Variants in PSTPIP1 observed in about 807,000 individuals in gnomAD.
The protein encoded by PSTPIP1 is proline-serine-threonine phosphatase interacting protein 1, also known as proline-serine-threonine phosphatase-interacting protein 1.
A neutral mutation model predicts 69.6 loss-of-function variants in PSTPIP1; 66 were observed. That is an observed-to-expected ratio of 0.95 (90% CI 0.78 to 1.16). The LOEUF is 1.16. Among genes scored for constraint, PSTPIP1 ranks in the 50% most tolerant of loss-of-function variants. The pLI is 0.00. For synonymous variants in PSTPIP1, 266 were observed against 222.7 expected (o/e 1.19, Z -1.73); for missense variants, 603 against 557.4 (o/e 1.08, Z -0.82).
chr15:77,037,013 C>T (rs1238935795), intron 14 of PSTPIP1, 32 bp from the exon 15 acceptor site: 1 of 1,606,486 alleles, frequency 6.2e-7, no homozygotes, highest in Admixed American at 1.7e-5. Context: ...GCAGGCCCTT[C>T]CAACGTCATG....
chr15:77,016,036 A>C, intron 1 of PSTPIP1: 1 of 456,266 alleles, frequency 2.2e-6, no homozygotes, highest in South Asian at 1.5e-5. Flanking sequence ...GGGGGCCTCC[A>C]TAAGGACAGG....
chr15:77,030,090 C>T (rs116638927), intron 8 of PSTPIP1, among the ~76,000 whole-genome samples: 86 of 152,258 alleles, frequency 5.6e-4, no homozygotes, highest in Admixed American at 3.3e-3. Context: ...GCTACTCCCT[C>T]GGCTGGGGGA....
intron 1 of PSTPIP1, among the ~76,000 whole-genome samples, chr15:77,008,735 G>A (rs930019511): frequency 5.9e-5 from 9 of 152,194 alleles, no homozygotes; most frequent in Non-Finnish European, 1.2e-4. Flanking sequence ...CTACCTCTGT[G>A]TAGGCTGAGA....
At chr15:77,035,740 T>G (rs2076548010) in intron 13 of PSTPIP1, 62 bp from the exon 14 acceptor site, 1 of 1,526,732 alleles carries the variant, frequency 6.5e-7, no homozygotes, top group Non-Finnish European at 8.7e-7. Flanking sequence ...CCCATTCTAG[T>G]AGGACTTCCA....
intron 1 of PSTPIP1, among the ~76,000 whole-genome samples, chr15:77,010,340 G>T (rs183439834): frequency 6.6e-6 from 1 of 152,216 alleles, no homozygotes; most frequent in African/African-American, 2.4e-5. Context: ...TCATGCGTGA[G>T]AGCCCCACCA....
intron 1 of PSTPIP1, among the ~76,000 whole-genome samples, chr15:77,015,388 G>A (rs1021075788): frequency 2.0e-5 from 3 of 152,068 alleles, no homozygotes; most frequent in Admixed American, 6.5e-5. Flanking sequence ...TTCGCCTCCC[G>A]AGATCTGTGT....
chr15:76,995,232 C>T lies in PSTPIP1; in HGVS notation c.-342C>T. 1 of 1,240,192 alleles carries T rather than the reference C, an allele frequency of 8.1e-7. No homozygotes were observed. The allele number at this position is 1,240,192 out of a possible 1,614,324, so 76.8% of individuals were successfully genotyped here. A position where few individuals can be genotyped will look rare whatever the true frequency, so the allele number is the denominator to read the frequency against. ...GCCACTGCCTCCCACCCAGGGCTGGCATCCCTGCTCCCTGCCCTGGGTCCC... is the reference window on the plus strand; with the variant it reads ...GCCACTGCCTCCCACCCAGGGCTGGTATCCCTGCTCCCTGCCCTGGGTCCC... On this transcript the variant is annotated 5_prime_UTR_variant, in exon 1 of 15. Transcript: ENST00000558012.
chr15:77,033,095 T>A (rs2076462626), intron 12 of PSTPIP1, 143 bp downstream of exon 12: 1 of 815,822 alleles, frequency 1.2e-6, no homozygotes, highest in Admixed American at 2.4e-5. Flanking sequence ...CTGGGCACTC[T>A]GTGGAGACAA....
intron 1 of PSTPIP1, among the ~76,000 whole-genome samples, chr15:77,006,103 G>T (rs570215401): frequency 6.6e-6 from 1 of 151,926 alleles, no homozygotes; most frequent in African/African-American, 2.4e-5. Context: ...GGATCCAATT[G>T]CTCCATATCT....
intron 3 of PSTPIP1, among the ~76,000 whole-genome samples, chr15:77,022,403 G>A (rs890609903): frequency 5.9e-5 from 9 of 152,180 alleles, no homozygotes; most frequent in Admixed American, 2.0e-4. Flanking sequence ...CCTGAGAGCC[G>A]AGTCAAAAAG....
Position 76,995,464 on chromosome 15 carries a change from G to A in PSTPIP1, c.-110G>A, listed in dbSNP as rs557528832. On this transcript the variant is annotated 5_prime_UTR_variant, in exon 1 of 15. Transcript: ENST00000558012. The stretch of plus-strand genomic sequence containing the variant: ...GTTGCAGACGGCGCCGGCCGGGAAG[G>A]GGGGCCTGGGCCAGCCCTGCCAGGA... 13 of 1,582,124 alleles carry A rather than the reference G, an allele frequency of 8.2e-6. No individual in the cohort carries two copies. The highest frequency in any genetic ancestry group is 2.7e-5 in the African/African-American group (2 of 74,124).
rs1217905578 is a variant in PSTPIP1, at chr15:77,037,098, A to AG, written c.1177dup (p.Glu393GlyfsTer71). 1 of 1,612,210 alleles carries AG rather than the reference A, an allele frequency of 6.2e-7. No individual in the cohort carries two copies. Among genetic ancestry groups the AG allele is most frequent in the Non-Finnish European group, 8.5e-7 (1 of 1,179,662 alleles). ...GAGACATCCTGGAGGTGATCCTGGA[A>AG]GGGGAGGATGGCTGGTGGACTGTGG... On this transcript the variant is annotated frameshift_variant, in exon 15 of 15. Transcript: ENST00000558012. LOFTEE classifies it high-confidence loss of function.
chr15:77,037,227 GC>G lies in PSTPIP1; in HGVS notation c.*56del, dbSNP rs1230075891. On this transcript the variant is annotated 3_prime_UTR_variant, in exon 15 of 15. Coordinates refer to ENST00000558012, the MANE Select transcript of PSTPIP1 (RefSeq NM_003978.5). ...CTGCCCTGCCAGTGGAGCCAGCAGT[GC>G]CCCCAGCACTGTCCCCACCTTGCTA... 5.2e-6 allele frequency: 8 copies of G among 1,553,028 alleles called. No homozygotes were observed. Among genetic ancestry groups the G allele is most frequent in the Non-Finnish European group, 7.0e-6 (8 of 1,150,428 alleles).
At chr15:77,029,710 T>A in intron 8 of PSTPIP1, 136 bp downstream of exon 8, 1 of 1,064,016 alleles carries the variant, frequency 9.4e-7, no homozygotes, top group Non-Finnish European at 1.3e-6. Flanking sequence ...ATTCCAGATA[T>A]GTGCCGTCAA....
At chr15:77,018,797 C>G (rs2076105297) in intron 3 of PSTPIP1, among the ~76,000 whole-genome samples, 1 of 152,190 alleles carries the variant, frequency 6.6e-6, no homozygotes, top group South Asian at 2.1e-4. Context: ...GCAGTCTGCA[C>G]CAGCCTGGGT....
intron 7 of PSTPIP1, among the ~76,000 whole-genome samples, chr15:77,029,320 G>A (rs560964934): frequency 3.3e-5 from 5 of 152,334 alleles, no homozygotes; most frequent in East Asian, 3.9e-4. Context: ...TCCTGGGCTC[G>A]GTTCCTGTCT....
In PSTPIP1 at chr15:77,032,316, C is replaced by T; in HGVS notation, c.760C>T (p.Leu254=). The change falls in exon 11 of 15, where the codon CTG becomes TTG. Residue 254 remains leucine, a synonymous_variant. Coordinates refer to ENST00000558012, the MANE Select transcript of PSTPIP1 (RefSeq NM_003978.5). ...KDDELYEEVR[L]TLEGCSIDAD... The stretch of plus-strand genomic sequence containing the variant: ...GCCCCAGCTCTACGAGGAAGTGCGG[C>T]TGACGCTGGAAGGCTGCAGCATAGA... 6.2e-7 allele frequency: 1 copy of T among 1,612,580 alleles called. No homozygotes were observed. Among genetic ancestry groups the T allele is most frequent in the South Asian group, 1.1e-5 (1 of 91,078 alleles).
chr15:77,024,132 C>T (rs962085704), intron 3 of PSTPIP1: 4 of 152,296 alleles, frequency 2.6e-5, no homozygotes, highest in African/African-American at 9.6e-5. Flanking sequence ...GGATGGGCAT[C>T]AGCAGCGCTT....
chr15:77,032,858 G>A lies in PSTPIP1; in HGVS notation c.839-4G>A, dbSNP rs1367241638. 1.3e-6 allele frequency: 2 copies of A among 1,568,990 alleles called. No homozygotes were observed. Among genetic ancestry groups the A allele is most frequent in the East Asian group, 2.4e-5 (1 of 42,352 alleles). ...CCCTGGGGCTCACGGCTTGCTGTCT[G>A]CAGCTCCGGTGCCCTACCAGAACTA... is the stretch of plus-strand genomic sequence containing the variant. On this transcript the variant is annotated splice_region_variant and splice_polypyrimidine_tract_variant and intron_variant, in intron 11 of 14. Transcript: ENST00000558012.
Sources: allele counts gnomAD v4.1 joint callset (sites outside exome capture counted in the v4.1 genomes callset), GRCh38; gene constraint gnomAD v4.1.1; transcripts MANE v1.5; gene names NCBI Gene and HGNC (gene_info 2026-07-23, HGNC 2026-07-21).